Variants in TBC1D8 observed in about 807,000 individuals in gnomAD.
TBC1D8 encodes BUB2-like protein 1.
TBC1D8 carries 65 observed loss-of-function variants against 118.8 expected under a neutral mutation model. The observed-to-expected ratio is 0.55, with a 90% CI of 0.45 to 0.67. The LOEUF (loss-of-function observed/expected upper bound fraction) is 0.67, where lower values mean the gene tolerates loss of function less well. Among genes scored for constraint, TBC1D8 ranks in the 30% least tolerant of loss-of-function variants. The pLI is 0.00. For missense variants in TBC1D8, 1,376 were observed against 1,471.2 expected (o/e 0.94, Z 1.06); for synonymous variants, 566 against 595.8 (o/e 0.95, Z 0.73).
intron 17 of TBC1D8, chr2:101,018,938 G>A: frequency 3.2e-6 from 5 of 1,586,588 alleles, no homozygotes; most frequent in Non-Finnish European, 4.3e-6. Context: ...CTTCTGGAAT[G>A]CTCTTCGTCT....
chr2:101,124,629 C>T (rs1377195472), intron 1 of TBC1D8, among the ~76,000 whole-genome samples: 3 of 152,192 alleles, frequency 2.0e-5, no homozygotes, highest in Non-Finnish European at 2.9e-5. Flanking sequence ...AGAACTTCTG[C>T]ACATGGCAGC....
At chr2:101,061,836 C>G (rs536236676) in intron 2 of TBC1D8, among the ~76,000 whole-genome samples, 2 of 152,348 alleles carry the variant, frequency 1.3e-5, no homozygotes, top group East Asian at 3.9e-4. Context: ...GCCCTTCAGG[C>G]TCCCCATCCC....
intron 1 of TBC1D8, among the ~76,000 whole-genome samples, chr2:101,117,854 C>A (rs1012526831): frequency 1.4e-5 from 2 of 145,418 alleles, no homozygotes; most frequent in Non-Finnish European, 1.5e-5. Flanking sequence ...GGATTACAGG[C>A]GTGAGCCACC....
At chr2:101,095,249 T>TTCATTATTA (rs1676319795) in intron 1 of TBC1D8, among the ~76,000 whole-genome samples, 1 of 146,546 alleles carries the variant, frequency 6.8e-6, no homozygotes, top group South Asian at 2.2e-4. Context: ...AAGTATTTTC[T>TTCATTATTA]TTATTATTAT....
intron 17 of TBC1D8, chr2:101,019,017 T>TA (rs1679860523): frequency 1.2e-6 from 2 of 1,612,604 alleles, no homozygotes; most frequent in Non-Finnish European, 1.7e-6. Context: ...TAAACAGTGT[T>TA]ACAGTCGCCA....
intron 1 of TBC1D8, among the ~76,000 whole-genome samples, chr2:101,098,504 A>C (rs909895373): frequency 1.4e-4 from 21 of 152,200 alleles, no homozygotes; most frequent in Admixed American, 1.2e-3. Context: ...TCAGGTCTGA[A>C]CCAAGTGGAC....
intron 17 of TBC1D8, among the ~76,000 whole-genome samples, chr2:101,021,048 T>C (rs1043587697): frequency 2.0e-5 from 3 of 152,178 alleles, no homozygotes; most frequent in African/African-American, 7.2e-5. Flanking sequence ...ATCATGGCTC[T>C]AGAATCCCCC....
At chr2:101,068,773 G>C (rs7601430) in intron 2 of TBC1D8, 187,048 of 216,320 alleles carry the variant, frequency 0.86, 81,516 homozygotes, top group African/African-American at 0.97. Flanking sequence ...CCAACGCAGG[G>C]AGATCACCTG....
chr2:101,095,407 C>T (rs1310442373), intron 1 of TBC1D8, among the ~76,000 whole-genome samples: 1 of 140,494 alleles, frequency 7.1e-6, no homozygotes, highest in African/African-American at 2.6e-5. Context: ...CCCCCCTCCC[C>T]CCACCCCACA....
intron 19 of TBC1D8, among the ~76,000 whole-genome samples, chr2:101,009,487 G>T (rs77242159): frequency 0.019 from 2,954 of 151,618 alleles, 104 homozygotes; most frequent in African/African-American, 0.069. Context: ...TGGTTATTCT[G>T]AAAGGAAACC....
intron 3 of TBC1D8, among the ~76,000 whole-genome samples, chr2:101,057,825 A>G (rs1157719908): frequency 6.6e-6 from 1 of 152,208 alleles, no homozygotes; most frequent in Non-Finnish European, 1.5e-5. Flanking sequence ...CCCTGTCTCA[A>G]AAAAACAACC....
chr2:101,116,453 G>T (rs1169736505), intron 1 of TBC1D8, among the ~76,000 whole-genome samples: 1 of 152,086 alleles, frequency 6.6e-6, no homozygotes, highest in Non-Finnish European at 1.5e-5. Flanking sequence ...TCTGCGTGGA[G>T]ATTAAACAAG....
intron 3 of TBC1D8, among the ~76,000 whole-genome samples, chr2:101,057,233 T>C (rs1682489192): frequency 6.6e-6 from 1 of 152,176 alleles, no homozygotes; most frequent in South Asian, 2.1e-4. Context: ...CCTGCTCCTG[T>C]ACCAGAAAGA....
At chr2:101,035,447 C>T (rs1467155570) in intron 9 of TBC1D8, among the ~76,000 whole-genome samples, 1 of 152,150 alleles carries the variant, frequency 6.6e-6, no homozygotes. Context: ...CAGGCGTTCC[C>T]CAATGGGTGC....
chr2:101,019,128 C>T (rs1339542136), intron 17 of TBC1D8: 6 of 1,522,744 alleles, frequency 3.9e-6, no homozygotes, highest in Non-Finnish European at 4.5e-6. Context: ...ACCAAGCTCA[C>T]CGAGGACGTC....
intron 2 of TBC1D8, among the ~76,000 whole-genome samples, chr2:101,071,926 T>C (rs1414599519): frequency 6.6e-6 from 1 of 152,214 alleles, no homozygotes; most frequent in Non-Finnish European, 1.5e-5. Flanking sequence ...GGAATCACAA[T>C]TCATCTATGC....
intron 1 of TBC1D8, among the ~76,000 whole-genome samples, chr2:101,092,581 C>T (rs965744917): frequency 6.6e-6 from 1 of 152,072 alleles, no homozygotes; most frequent in African/African-American, 2.4e-5. Context: ...GGGTTATAAT[C>T]TATTACTATC....
chr2:101,138,773 C>A (rs7574750), intron 1 of TBC1D8, among the ~76,000 whole-genome samples: 19,774 of 152,132 alleles, frequency 0.13, 1,444 homozygotes, highest in East Asian at 0.28. Flanking sequence ...GCTCCCCAAA[C>A]CCTAGAGTCC....
chr2:101,049,059 G>A (rs892535638), intron 5 of TBC1D8, among the ~76,000 whole-genome samples: 1 of 152,124 alleles, frequency 6.6e-6, no homozygotes, highest in African/African-American at 2.4e-5. Context: ...TAATGCTGCT[G>A]CAAACACGGG....
Sources: gnomAD v4.1 joint callset for allele counts (sites outside exome capture counted in the v4.1 genomes callset) on GRCh38, gnomAD v4.1.1 for gene constraint, MANE v1.5 for transcripts, NCBI Gene and HGNC (gene_info 2026-07-23, HGNC 2026-07-21) for gene names.